PIP4P2: variants seen among roughly 807,000 people sequenced by gnomAD.
PIP4P2 encodes type 2 phosphatidylinositol 4,5-bisphosphate 4-phosphatase.
In PIP4P2, 19 loss-of-function variants were observed where a neutral mutation model predicts 33.3. That is an observed-to-expected ratio of 0.57 (90% confidence interval 0.40 to 0.84). The LOEUF (loss-of-function observed/expected upper bound fraction) is 0.84. Ranked by LOEUF, PIP4P2 falls within the 40% of genes least tolerant of loss-of-function variation. PIP4P2 has a pLI of 0.00. For missense variants in PIP4P2, 270 were observed against 324.7 expected, an observed-to-expected ratio of 0.83 and a Z score of 1.29; for synonymous variants, 110 against 111.9, an observed-to-expected ratio of 0.98 and a Z score of 0.11.
chr8:91,010,513 C>A (rs1004405055), intron 4 of PIP4P2, among the ~76,000 whole-genome samples: 1 of 151,878 alleles, frequency 6.6e-6, no homozygotes, highest in Admixed American at 6.6e-5. Context: ...TGATAACTGA[C>A]AAACAGTAGG....
chr8:91,018,497 G>C lies in PIP4P2; in HGVS notation c.379C>G (p.Leu127Val). 6.2e-7 allele frequency: 1 copy of C among 1,613,702 alleles called. No individual in the cohort carries two copies. The highest frequency in any genetic ancestry group is 8.5e-7 in the Non-Finnish European group (1 of 1,179,846). Reference protein sequence around the residue: ...PRPNCRRIINLGPVMLISEEQ... With the variant: ...PRPNCRRIINVGPVMLISEEQ... ...TCAGAAATAAGCATTACTGGGCCAAGGTTAATTATCCGTCTACTGTGAAAA... is the reference window on the plus strand; with the variant it reads ...TCAGAAATAAGCATTACTGGGCCAACGTTAATTATCCGTCTACTGTGAAAA... Residue 127 changes from leucine to valine, a missense_variant, in exon 4 of 7, where the codon CTT becomes GTT. By Grantham distance (32) the Leu-to-Val change is conservative (BLOSUM62 1). Coordinates refer to ENST00000285419, the MANE Select transcript of PIP4P2 (RefSeq NM_018710.3).
chr8:91,009,233 T>C (rs1167673328), intron 4 of PIP4P2, among the ~76,000 whole-genome samples: 4 of 152,088 alleles, frequency 2.6e-5, no homozygotes, highest in Non-Finnish European at 5.9e-5. Context: ...TGTGAGAAAG[T>C]CACCAAGTAC....
In PIP4P2 at chr8:91,023,869, C is replaced by A. The variant is rs191482096; in HGVS notation, c.107-2465G>T. ...TCTATTTGTCTTGGAAAAATAACAC[C>A]AAGTATTAGGTTGCTGCAAAAGTAA... is the stretch of plus-strand genomic sequence containing the variant. On this transcript the variant is annotated intron_variant, in intron 1 of 6. Transcript: ENST00000285419. Among the ~76,000 whole-genome samples, 146 of 152,036 alleles carry A rather than the reference C, an allele frequency of 9.6e-4. 1 individual carries two copies. The highest frequency in any genetic ancestry group is 3.3e-3 in the African/African-American group (139 of 41,498).
chr8:91,006,026 T>C (rs1811758690), intron 5 of PIP4P2, among the ~76,000 whole-genome samples: 1 of 152,216 alleles, frequency 6.6e-6, no homozygotes, highest in East Asian at 1.9e-4. Flanking sequence ...CCCATACATT[T>C]TGTGAGATAA....
At chr8:91,013,137 C>A (rs1311606158) in intron 4 of PIP4P2, among the ~76,000 whole-genome samples, 1 of 152,102 alleles carries the variant, frequency 6.6e-6, no homozygotes, top group East Asian at 1.9e-4. Context: ...CATTCCTCTC[C>A]TATTAGGTTA....
In PIP4P2 at chr8:90,994,330, G is replaced by T. The variant is rs186438791; in HGVS notation, c.*1347C>A. ...AAGGTACATATAATCCTGAGCTACAGCATTTATACATTTGTCATTTACTCT... is the reference window on the plus strand; with the variant it reads ...AAGGTACATATAATCCTGAGCTACATCATTTATACATTTGTCATTTACTCT... On this transcript the variant is annotated 3_prime_UTR_variant, in exon 7 of 7. Coordinates refer to ENST00000285419, the MANE Select transcript of PIP4P2 (RefSeq NM_018710.3). 17 of 152,108 alleles carry T rather than the reference G, an allele frequency of 1.1e-4. No homozygotes were observed. Among genetic ancestry groups the T allele is most frequent in the African/African-American group, 3.9e-4 (16 of 41,524 alleles). 9.4% of individuals were successfully genotyped at this position (152,108 alleles called of 1,614,324 possible).
intron 1 of PIP4P2, among the ~76,000 whole-genome samples, chr8:91,029,911 G>C (rs1480908634): frequency 6.6e-6 from 1 of 152,150 alleles, no homozygotes; most frequent in Non-Finnish European, 1.5e-5. Flanking sequence ...AGCTTGCAGT[G>C]AGCCGAGATC....
intron 3 of PIP4P2, 168 bp from the exon 4 acceptor site, chr8:91,018,681 CA>C: frequency 1.1e-6 from 1 of 930,110 alleles, no homozygotes. Context: ...GTCAGTTTTT[CA>C]AAAGCAAAAT....
chr8:91,016,903 C>T (rs1001495615), intron 4 of PIP4P2, among the ~76,000 whole-genome samples: 2 of 151,904 alleles, frequency 1.3e-5, no homozygotes, highest in Admixed American at 6.6e-5. Flanking sequence ...AAATTAAATC[C>T]AAAGGAGGGG....
At chr8:91,016,377 C>A (rs983697403) in intron 4 of PIP4P2, among the ~76,000 whole-genome samples, 1 of 151,722 alleles carries the variant, frequency 6.6e-6, no homozygotes, top group Non-Finnish European at 1.5e-5. Flanking sequence ...AAGACCCTCA[C>A]GAAGACATAG....
At chr8:91,039,519 C>A (rs1812277721) in intron 1 of PIP4P2, among the ~76,000 whole-genome samples, 1 of 152,192 alleles carries the variant, frequency 6.6e-6, no homozygotes, top group South Asian at 2.1e-4. Context: ...TCTACATCAG[C>A]TCTAATTCCA....
chr8:91,019,421 AAAAT>A (rs55753634), intron 3 of PIP4P2, among the ~76,000 whole-genome samples: 3,448 of 71,092 alleles, frequency 0.049, 353 homozygotes, highest in Non-Finnish European at 0.099. Flanking sequence ...AAAAAAAAAA[AAAAT>A]ATATTACCTG....
At chr8:91,011,025 GAT>G (rs1811829700) in intron 4 of PIP4P2, among the ~76,000 whole-genome samples, 2 of 68,012 alleles carry the variant, frequency 2.9e-5, no homozygotes, top group Non-Finnish European at 9.9e-5. Context: ...TACTGAGATA[GAT>G]AGATAGATAG....
intron 1 of PIP4P2, among the ~76,000 whole-genome samples, chr8:91,033,742 G>A (rs73299992): frequency 0.091 from 13,891 of 151,968 alleles, 776 homozygotes; most frequent in Middle Eastern, 0.16. Flanking sequence ...TGTCCTCTAA[G>A]TCACCATGCT....
At position 91,005,684 on chromosome 8, in the gene PIP4P2, C is replaced by T. The variant is rs74951678; in HGVS notation, c.539+3059G>A. 3.2e-3 allele frequency among the ~76,000 whole-genome samples: 485 copies of T among 152,208 alleles called. 2 individuals are homozygous for T. The highest frequency in any genetic ancestry group is 5.1e-3 in the Admixed American group (78 of 15,278). On this transcript the variant is annotated intron_variant, in intron 5 of 6. Coordinates refer to ENST00000285419, the MANE Select transcript of PIP4P2 (RefSeq NM_018710.3). ...TAGATGGCAAAATAAATGGATAACA[C>T]TTGAGAATAAGCCCACTATTGTTTA...
intron 3 of PIP4P2, among the ~76,000 whole-genome samples, chr8:91,018,899 C>T (rs1412370423): frequency 6.6e-6 from 1 of 151,924 alleles, no homozygotes. Context: ...ATGAAGGCAC[C>T]GAAGGGCTGG....
intron 4 of PIP4P2, among the ~76,000 whole-genome samples, chr8:91,009,387 T>C (rs1053668557): frequency 6.6e-6 from 1 of 152,070 alleles, no homozygotes; most frequent in Non-Finnish European, 1.5e-5. Flanking sequence ...ATTCAGATAC[T>C]TGAAATGACT....
At chr8:91,035,371 C>G (rs1812220306) in intron 1 of PIP4P2, among the ~76,000 whole-genome samples, 1 of 152,152 alleles carries the variant, frequency 6.6e-6, no homozygotes, top group South Asian at 2.1e-4. Context: ...TGAATATAAA[C>G]AAATATAAAC....
Position 90,994,318 on chromosome 8 carries a change from T to A in PIP4P2, c.*1359A>T, listed in dbSNP as rs1173737726. On this transcript the variant is annotated 3_prime_UTR_variant, in exon 7 of 7. Coordinates refer to ENST00000285419, the MANE Select transcript of PIP4P2 (RefSeq NM_018710.3). The stretch of plus-strand genomic sequence containing the variant: ...AGTGTATTTTTAAAGGTACATATAA[T>A]CCTGAGCTACAGCATTTATACATTT... 1 of 152,132 alleles carries A rather than the reference T, an allele frequency of 6.6e-6. No individual in the cohort carries two copies. The highest frequency in any genetic ancestry group is 1.5e-5 in the Non-Finnish European group (1 of 67,968). The allele number at this position is 152,132 out of a possible 1,614,324, so 9.4% of individuals were successfully genotyped here. A position where few individuals can be genotyped will look rare whatever the true frequency, so the allele number is the denominator to read the frequency against.
Sources: allele counts gnomAD v4.1 joint callset (sites outside exome capture counted in the v4.1 genomes callset), GRCh38; gene constraint gnomAD v4.1.1; transcripts MANE v1.5; gene names NCBI Gene and HGNC (gene_info 2026-07-23, HGNC 2026-07-21).